The following ANTXR2 variants were observed in gnomAD, a reference collection of about 807,000 sequenced individuals.
ANTXR2 encodes the protein anthrax toxin receptor 2.
In ANTXR2, 44 loss-of-function variants were observed where a neutral mutation model predicts 73.7. The observed-to-expected ratio is 0.60, with a 90% confidence interval of 0.47 to 0.77. The LOEUF (loss-of-function observed/expected upper bound fraction) is 0.77, where lower values mean the gene tolerates loss of function less well. ANTXR2 is among the 30% of genes least tolerant of loss of function. ANTXR2 has a pLI of 0.00. For missense variants in ANTXR2, 604 were observed against 592.5 expected (o/e 1.02, Z -0.20); for synonymous variants, 217 against 205.9 (o/e 1.05, Z -0.46).
chr4:79,924,538 T>A (rs1345178685), intron 16 of ANTXR2, among the ~76,000 whole-genome samples: 1 of 152,022 alleles, frequency 6.6e-6, no homozygotes, highest in Non-Finnish European at 1.5e-5. Context: ...ATAAACCAAT[T>A]TCAATTACTA....
chr4:80,058,945 T>C (rs1183894387), intron 3 of ANTXR2, among the ~76,000 whole-genome samples: 1 of 152,088 alleles, frequency 6.6e-6, no homozygotes, highest in Non-Finnish European at 1.5e-5. Flanking sequence ...CAGAAGTTTC[T>C]TTGTCACCCC....
chr4:79,913,101 C>T (rs527749742), intron 16 of ANTXR2, among the ~76,000 whole-genome samples: 1 of 152,136 alleles, frequency 6.6e-6, no homozygotes, highest in South Asian at 2.1e-4. Flanking sequence ...AAAAGTCAGC[C>T]CAAGAACTTA....
intron 7 of ANTXR2, among the ~76,000 whole-genome samples, chr4:80,041,106 A>C (rs1022537363): frequency 2.6e-5 from 4 of 152,048 alleles, no homozygotes; most frequent in Non-Finnish European, 4.4e-5. Flanking sequence ...AAGTCTAATA[A>C]ACAAATATTT....
At chr4:80,057,184 T>C (rs1734040149) in intron 3 of ANTXR2, among the ~76,000 whole-genome samples, 1 of 151,888 alleles carries the variant, frequency 6.6e-6, no homozygotes, top group South Asian at 2.1e-4. Flanking sequence ...TGAAGAGTAC[T>C]CACTCCTACT....
At chr4:80,033,355 C>G (rs1293454611) in intron 9 of ANTXR2, 117 bp downstream of exon 9, 1 of 690,282 alleles carries the variant, frequency 1.4e-6, no homozygotes, top group Admixed American at 3.7e-5. Context: ...GACTTCATTT[C>G]TTTCTTCTTA....
chr4:80,009,587 C>A (rs1043181878), intron 11 of ANTXR2, among the ~76,000 whole-genome samples: 1 of 152,074 alleles, frequency 6.6e-6, no homozygotes, highest in Non-Finnish European at 1.5e-5. Context: ...CAATGGCTCA[C>A]GCCTGTAATC....
At chr4:80,033,664 A>C in intron 8 of ANTXR2, 94 bp from the exon 9 acceptor site, 2 of 901,680 alleles carry the variant, frequency 2.2e-6, no homozygotes, top group South Asian at 1.8e-5. Context: ...TGCAAAGAAT[A>C]ATTTTTTTCA....
At position 79,906,666 on chromosome 4, in the gene ANTXR2, T is replaced by G. The variant is rs1309214020; in HGVS notation, c.*763A>C. 2.0e-5 allele frequency: 3 copies of G among 152,646 alleles called. No homozygotes were observed. Among genetic ancestry groups the G allele is most frequent in the Non-Finnish European group, 4.4e-5 (3 of 68,084 alleles). The allele number at this position is 152,646 out of a possible 1,614,324, so 9.5% of individuals were successfully genotyped here. Reference sequence around the variant, plus strand: ...AAAAAATGAGTCCCTTGCACTACACTCAAGATCTCTGGCTAGAGGCCTTCT... The same window carrying G: ...AAAAAATGAGTCCCTTGCACTACACGCAAGATCTCTGGCTAGAGGCCTTCT... On this transcript the variant is annotated 3_prime_UTR_variant, in exon 17 of 17. Coordinates refer to ENST00000403729, the MANE Select transcript of ANTXR2 (RefSeq NM_058172.6).
intron 16 of ANTXR2, among the ~76,000 whole-genome samples, chr4:79,945,843 T>A (rs1728496229): frequency 6.6e-6 from 1 of 152,158 alleles, no homozygotes; most frequent in South Asian, 2.1e-4. Flanking sequence ...AATAAATATA[T>A]GCCCCAGATA....
In ANTXR2 at chr4:80,034,804, T is replaced by C. The variant is rs114181374; in HGVS notation, c.697+1168A>G. Among the ~76,000 whole-genome samples the C allele has an allele frequency of 3.2e-3, 493 of 152,286 alleles. 1 individual carries two copies. Among genetic ancestry groups the C allele is most frequent in the Non-Finnish European group, 5.4e-3 (369 of 68,012 alleles). On this transcript the variant is annotated intron_variant, in intron 8 of 16. Coordinates refer to ENST00000403729, the MANE Select transcript of ANTXR2 (RefSeq NM_058172.6). ...CTAAAACTTCTCATATCTAACATAA[T>C]ACAAGTATAATATAGTCATTAACTA...
chr4:79,925,287 CT>C (rs34138950), intron 16 of ANTXR2, among the ~76,000 whole-genome samples: 69,731 of 143,818 alleles, frequency 0.48, 16,777 homozygotes, highest in Non-Finnish European at 0.52. Context: ...TCACTCTTTC[CT>C]TTTTTTTTTT....
intron 9 of ANTXR2, among the ~76,000 whole-genome samples, chr4:80,031,987 C>T (rs1283810644): frequency 1.3e-5 from 2 of 151,364 alleles, no homozygotes; most frequent in African/African-American, 4.8e-5. Flanking sequence ...TTAAATATCT[C>T]AGATTTTTAA....
intron 16 of ANTXR2, among the ~76,000 whole-genome samples, chr4:79,937,549 G>T (rs894009797): frequency 2.0e-5 from 3 of 151,894 alleles, no homozygotes; most frequent in South Asian, 4.2e-4. Context: ...TGTCTATCAG[G>T]GTATATAGTA....
intron 16 of ANTXR2, among the ~76,000 whole-genome samples, chr4:79,928,992 T>C (rs1249788317): frequency 6.6e-6 from 1 of 152,172 alleles, no homozygotes; most frequent in Non-Finnish European, 1.5e-5. Context: ...CTTAGCTCTA[T>C]GTAATAATTG....
chr4:79,929,623 AGCT>A (rs1425826751), intron 16 of ANTXR2, among the ~76,000 whole-genome samples: 1 of 152,190 alleles, frequency 6.6e-6, no homozygotes, highest in African/African-American at 2.4e-5. Flanking sequence ...CAAGATTCTC[AGCT>A]GAGATAGGCC....
intron 14 of ANTXR2, among the ~76,000 whole-genome samples, chr4:79,982,812 T>C (rs747297294): frequency 6.6e-6 from 1 of 152,156 alleles, no homozygotes; most frequent in South Asian, 2.1e-4. Flanking sequence ...CAAGATCTAA[T>C]GTGGTCCAGA....
In ANTXR2 at chr4:79,977,611, A is replaced by G. The variant is rs779051120; in HGVS notation, c.1428+10T>C. ...GTTAGCTCTTTCTCAATACATTCCC[A>G]TATACAAACCTCATCTCCTTCCTGA... On this transcript the variant is annotated intron_variant, in intron 16 of 16. Coordinates refer to ENST00000403729, the MANE Select transcript of ANTXR2 (RefSeq NM_058172.6). The G allele has an allele frequency of 3.8e-6, 6 of 1,567,492 alleles. No homozygotes were observed. Among genetic ancestry groups the G allele is most frequent in the Non-Finnish European group, 5.2e-6 (6 of 1,155,068 alleles).
At chr4:79,985,999 G>A (rs79550608) in intron 12 of ANTXR2, among the ~76,000 whole-genome samples, 10,658 of 151,900 alleles carry the variant, frequency 0.07, 451 homozygotes, top group Middle Eastern at 0.11. Flanking sequence ...CCGCCACCAC[G>A]CCTGGCTAAT....
At chr4:80,060,965 T>C (rs1009769823) in intron 3 of ANTXR2, among the ~76,000 whole-genome samples, 7 of 152,162 alleles carry the variant, frequency 4.6e-5, no homozygotes, top group Non-Finnish European at 1.0e-4. Context: ...TGCCTTCACA[T>C]GGTTAGCAAG....
Sources: allele counts gnomAD v4.1 joint callset (sites outside exome capture counted in the v4.1 genomes callset), GRCh38; gene constraint gnomAD v4.1.1; transcripts MANE v1.5; gene names NCBI Gene and HGNC (gene_info 2026-07-23, HGNC 2026-07-21).